WDR7: variants seen among roughly 807,000 people sequenced by gnomAD.
WDR7 encodes WD repeat-containing protein 7.
Under a neutral mutation model 169.4 loss-of-function variants are expected in WDR7, and 46 were observed. The ratio of observed to expected loss-of-function variants is 0.27; its 90% CI spans 0.21 to 0.35. WDR7 has a LOEUF of 0.35. WDR7 is among the 10% of genes least tolerant of loss of function. WDR7 has a pLI of 1.00. For missense variants in WDR7, 1,534 were observed against 1,859.3 expected (o/e 0.83, Z 3.22); for synonymous variants, 612 against 666.8 (o/e 0.92, Z 1.27).
At chr18:56,863,449 A>G (rs7234404) in intron 20 of WDR7, among the ~76,000 whole-genome samples, 8,579 of 151,698 alleles carry the variant, frequency 0.057, 852 homozygotes, top group African/African-American at 0.2. Flanking sequence ...AGAAATGAGA[A>G]TTTACTGAGG....
chr18:56,684,201 CT>C (rs1184773338), intron 5 of WDR7, among the ~76,000 whole-genome samples: 1 of 152,022 alleles, frequency 6.6e-6, no homozygotes, highest in Non-Finnish European at 1.5e-5. Flanking sequence ...TATAGATTAT[CT>C]TTTTCTGGGA....
intron 20 of WDR7, among the ~76,000 whole-genome samples, chr18:56,841,096 G>A (rs1195184118): frequency 6.6e-6 from 1 of 151,916 alleles, no homozygotes; most frequent in Non-Finnish European, 1.5e-5. Context: ...GGGAGGCTGA[G>A]GCATGAGAAT....
intron 21 of WDR7, among the ~76,000 whole-genome samples, chr18:56,909,831 C>T (rs1599149384): frequency 6.6e-6 from 1 of 152,118 alleles, no homozygotes; most frequent in South Asian, 2.1e-4. Context: ...TGCTATTTTG[C>T]AAATTTAGTA....
chr18:56,852,016 C>G lies in WDR7; in HGVS notation c.3305-27928C>G, dbSNP rs2045647674. Among the ~76,000 whole-genome samples the G allele has an allele frequency of 2.6e-5, 4 of 152,164 alleles. No individual in the cohort carries two copies. In the South Asian group the frequency reaches 6.2e-4, roughly 24 times the overall value. On this transcript the variant is annotated intron_variant, in intron 20 of 27. Coordinates refer to ENST00000254442, the MANE Select transcript of WDR7 (RefSeq NM_015285.3). ...CACAGAGAAAATGACCCTCTGGCTT[C>G]ATTTCTCAGCCTCTGACCTTCTCTG... is the stretch of plus-strand genomic sequence containing the variant.
At chr18:57,035,862 A>G in the WDR7 span, 1 of 152,270 alleles carries the variant, frequency 6.6e-6, no homozygotes, top group Non-Finnish European at 1.5e-5. Flanking sequence ...GTTCATCTAT[A>G]CAGGCAAAAG....
chr18:56,942,469 C>G (rs1047636527), intron 25 of WDR7, among the ~76,000 whole-genome samples: 1 of 152,000 alleles, frequency 6.6e-6, no homozygotes, highest in African/African-American at 2.4e-5. Context: ...AAATAAAGGG[C>G]ATAAATAAAG....
At chr18:56,928,340 C>T (rs775733231) in intron 22 of WDR7, among the ~76,000 whole-genome samples, 45 of 152,044 alleles carry the variant, frequency 3.0e-4, no homozygotes, top group Admixed American at 7.9e-4. Context: ...TGCCGTGTAC[C>T]TGTAGTCCCA....
intron 26 of WDR7, among the ~76,000 whole-genome samples, chr18:56,999,564 C>T (rs978456168): frequency 6.6e-6 from 1 of 152,028 alleles, no homozygotes; most frequent in African/African-American, 2.4e-5. Context: ...TCTGGGCTAT[C>T]TAAGTCCTTG....
At chr18:56,767,928 C>T (rs372510164) in intron 16 of WDR7, among the ~76,000 whole-genome samples, 2 of 152,142 alleles carry the variant, frequency 1.3e-5, no homozygotes, top group East Asian at 3.9e-4. Context: ...AGGATATACT[C>T]AACGAATCAA....
intron 19 of WDR7, among the ~76,000 whole-genome samples, chr18:56,799,559 A>T (rs2044639241): frequency 6.6e-6 from 1 of 152,180 alleles, no homozygotes; most frequent in African/African-American, 2.4e-5. Context: ...GTACAGTAGT[A>T]CTGTTTGTAA....
intron 22 of WDR7, among the ~76,000 whole-genome samples, chr18:56,931,682 G>A (rs2046887049): frequency 6.6e-6 from 1 of 152,190 alleles, no homozygotes; most frequent in African/African-American, 2.4e-5. Flanking sequence ...AATGGGGTTT[G>A]CTGTTGATTA....
At chr18:56,876,935 C>A (rs994573069) in intron 20 of WDR7, among the ~76,000 whole-genome samples, 1 of 152,132 alleles carries the variant, frequency 6.6e-6, no homozygotes, top group Non-Finnish European at 1.5e-5. Context: ...GTAATTCCTG[C>A]GCTTTGGGAG....
intron 25 of WDR7, among the ~76,000 whole-genome samples, chr18:56,948,919 A>G (rs1401825443): frequency 6.6e-6 from 1 of 151,720 alleles, no homozygotes; most frequent in Non-Finnish European, 1.5e-5. Flanking sequence ...TCCATCCTTC[A>G]TCTCATTTTC....
intron 14 of WDR7, among the ~76,000 whole-genome samples, chr18:56,751,160 G>A (rs752031657): frequency 2.6e-5 from 4 of 152,012 alleles, no homozygotes; most frequent in Non-Finnish European, 5.9e-5. Context: ...GGAATCACAC[G>A]AAATTGCATC....
At chr18:56,915,753 A>G (rs918854280) in intron 21 of WDR7, among the ~76,000 whole-genome samples, 9 of 152,240 alleles carry the variant, frequency 5.9e-5, no homozygotes, top group East Asian at 1.9e-4. Flanking sequence ...TAATAATTCT[A>G]TTAAGAAAAT....
At chr18:56,908,686 A>T (rs1431538433) in intron 21 of WDR7, among the ~76,000 whole-genome samples, 1 of 152,180 alleles carries the variant, frequency 6.6e-6, no homozygotes, top group African/African-American at 2.4e-5. Flanking sequence ...AACTACTATC[A>T]TCTCCCTCAC....
intron 1 of WDR7, among the ~76,000 whole-genome samples, chr18:56,663,626 C>CATATATATACAGCATATATACATAT (rs1229940954): frequency 0.27 from 3,635 of 13,384 alleles, 162 homozygotes; most frequent in African/African-American, 0.32. Context: ...ATATACACCA[C>CATATATATACAGCATATATACATAT]ATATATGCAC....
rs563792754 is a variant in WDR7, at chr18:56,850,550, C to G, written c.3305-29394C>G. ...ATAGAGATAGAATCTCCCTCTTTTA[C>G]CCAGGCTAGAGTACAGTGGCCTGAT... is the stretch of plus-strand genomic sequence containing the variant. On this transcript the variant is annotated intron_variant, in intron 20 of 27. Coordinates refer to ENST00000254442, the MANE Select transcript of WDR7 (RefSeq NM_015285.3). 2.0e-5 allele frequency among the ~76,000 whole-genome samples: 3 copies of G among 152,276 alleles called. No homozygotes were observed. In the South Asian group the frequency reaches 6.2e-4, roughly 32 times the overall value.
chr18:56,694,923 C>A (rs1267852145), intron 10 of WDR7, 27 bp from the exon 11 acceptor site: 3 of 1,578,182 alleles, frequency 1.9e-6, no homozygotes, highest in Non-Finnish European at 1.7e-6. Flanking sequence ...AAATGTTTTT[C>A]TTTTATACAA....
Sources: allele counts gnomAD v4.1 joint callset (sites outside exome capture counted in the v4.1 genomes callset), GRCh38; gene constraint gnomAD v4.1.1; transcripts MANE v1.5; gene names NCBI Gene and HGNC (gene_info 2026-07-23, HGNC 2026-07-21).